Variants in ERBB4 observed in about 807,000 individuals in gnomAD.
The protein encoded by ERBB4 is receptor tyrosine-protein kinase erbB-4.
ERBB4 carries 42 observed loss-of-function variants against 158.0 expected under a neutral mutation model. The observed-to-expected ratio is 0.27, with a 90% CI of 0.21 to 0.34. ERBB4 has a LOEUF of 0.34. ERBB4 is among the 10% of genes least tolerant of loss of function. The probability of loss-of-function intolerance (pLI) is 1.00; values close to 1 mark genes in which losing one functional copy is unlikely to be tolerated. For missense variants in ERBB4, 1,333 were observed against 1,624.1 expected (o/e 0.82, Z 3.08); for synonymous variants, 583 against 558.7 (o/e 1.04, Z -0.61).
Position 211,631,454 on chromosome 2 carries a change from A to G in ERBB4, c.1947-860T>C, listed in dbSNP as rs373166855. Among the ~76,000 whole-genome samples the G allele has an allele frequency of 2.0e-5, 3 of 152,336 alleles. No homozygotes were observed. In the East Asian group the frequency reaches 5.8e-4, roughly 29 times the overall value. On this transcript the variant is annotated intron_variant, in intron 16 of 27. Coordinates refer to ENST00000342788, the MANE Select transcript of ERBB4 (RefSeq NM_005235.3). ...GTGTCTCAGCATCATACACTCATAA[A>G]AGAGGTTTGCACATGAAGCATTACA...
intron 4 of ERBB4, chr2:211,777,392 T>A (rs1027419855): frequency 5.3e-5 from 8 of 152,308 alleles, no homozygotes; most frequent in African/African-American, 1.9e-4. Flanking sequence ...GGTTGAATAA[T>A]AGCAGTACTA....
chr2:212,159,346 A>G (rs1282238330), intron 1 of ERBB4, among the ~76,000 whole-genome samples: 1 of 151,692 alleles, frequency 6.6e-6, no homozygotes, highest in East Asian at 1.9e-4. Flanking sequence ...TTATCTTTCA[A>G]GTATTTCCTT....
intron 1 of ERBB4, among the ~76,000 whole-genome samples, chr2:212,501,120 A>G (rs1690865406): frequency 6.6e-6 from 1 of 152,202 alleles, no homozygotes; most frequent in Non-Finnish European, 1.5e-5. Context: ...AAATAACACC[A>G]GTAGCAGAGT....
At chr2:212,519,166 C>T (rs905153058) in intron 1 of ERBB4, among the ~76,000 whole-genome samples, 4 of 151,946 alleles carry the variant, frequency 2.6e-5, no homozygotes, top group Non-Finnish European at 5.9e-5. Context: ...GGCTTACTAG[C>T]CTTCTCAGAA....
intron 19 of ERBB4, among the ~76,000 whole-genome samples, chr2:211,603,357 T>G (rs1475254633): frequency 3.3e-5 from 5 of 152,054 alleles, no homozygotes; most frequent in Non-Finnish European, 7.4e-5. Context: ...GTCATACACT[T>G]CGGAAGAATT....
At chr2:212,397,389 G>A (rs536445688) in intron 1 of ERBB4, among the ~76,000 whole-genome samples, 4 of 151,952 alleles carry the variant, frequency 2.6e-5, no homozygotes, top group South Asian at 4.2e-4. Flanking sequence ...GAGAGTATCA[G>A]TTGAGCCTTA....
intron 1 of ERBB4, among the ~76,000 whole-genome samples, chr2:212,261,080 T>C (rs1194309758): frequency 6.6e-6 from 1 of 152,112 alleles, no homozygotes; most frequent in Non-Finnish European, 1.5e-5. Context: ...CATCTCCTCT[T>C]TGAAGCAGCT....
chr2:211,878,130 CA>C (rs1278450627), intron 3 of ERBB4, among the ~76,000 whole-genome samples: 3 of 151,948 alleles, frequency 2.0e-5, no homozygotes, highest in Admixed American at 6.6e-5. Context: ...CAAACAACAA[CA>C]AAAAACAATG....
chr2:211,410,549 G>C (rs972481973), intron 25 of ERBB4, among the ~76,000 whole-genome samples: 1 of 152,170 alleles, frequency 6.6e-6, no homozygotes, highest in Non-Finnish European at 1.5e-5. Flanking sequence ...GGAAAAAGCA[G>C]ATTCCCTGAA....
intron 16 of ERBB4, among the ~76,000 whole-genome samples, chr2:211,637,456 T>C (rs1462688139): frequency 2.0e-5 from 3 of 152,152 alleles, no homozygotes; most frequent in East Asian, 3.9e-4. Flanking sequence ...ACAGGTTTTA[T>C]AGCACACAGG....
intron 2 of ERBB4, among the ~76,000 whole-genome samples, chr2:212,119,709 T>C (rs750237522): frequency 1.1e-4 from 16 of 152,114 alleles, no homozygotes; most frequent in Non-Finnish European, 2.4e-4. Context: ...ACTGGATTTC[T>C]CTTCCCAAAA....
At chr2:211,783,523 T>C (rs1467026567) in intron 4 of ERBB4, among the ~76,000 whole-genome samples, 3 of 152,220 alleles carry the variant, frequency 2.0e-5, no homozygotes, top group Non-Finnish European at 4.4e-5. Context: ...ATAGCTCTTA[T>C]TATTTTGAGA....
chr2:211,568,476 T>C (rs1050947912), intron 19 of ERBB4, among the ~76,000 whole-genome samples: 1 of 152,214 alleles, frequency 6.6e-6, no homozygotes, highest in African/African-American at 2.4e-5. Flanking sequence ...CTTTCCACTT[T>C]AGTTTTTCAT....
chr2:212,071,105 G>T (rs751418454), intron 2 of ERBB4, among the ~76,000 whole-genome samples: 4 of 151,746 alleles, frequency 2.6e-5, no homozygotes, highest in Admixed American at 6.6e-5. Flanking sequence ...ATTGAAGAGG[G>T]GGGTGTTACA....
chr2:212,297,503 T>C (rs2086456724), intron 1 of ERBB4, among the ~76,000 whole-genome samples: 1 of 151,922 alleles, frequency 6.6e-6, no homozygotes, highest in Non-Finnish European at 1.5e-5. Flanking sequence ...GTTATAACAC[T>C]AAAAGACACA....
At chr2:212,399,580 A>G (rs1208479972) in intron 1 of ERBB4, among the ~76,000 whole-genome samples, 2 of 101,610 alleles carry the variant, frequency 2.0e-5, no homozygotes, top group East Asian at 4.8e-4. Context: ...ATATATATAT[A>G]TATATTGGGC....
At chr2:211,877,292 G>A (rs1466673749) in intron 3 of ERBB4, among the ~76,000 whole-genome samples, 2 of 152,194 alleles carry the variant, frequency 1.3e-5, no homozygotes, top group Non-Finnish European at 2.9e-5. Flanking sequence ...AGACAGAACT[G>A]TGGGGTCATA....
intron 25 of ERBB4, among the ~76,000 whole-genome samples, chr2:211,405,022 T>G (rs1020223542): frequency 6.6e-6 from 1 of 152,154 alleles, no homozygotes; most frequent in Non-Finnish European, 1.5e-5. Flanking sequence ...AGCTAACAGT[T>G]AATGAGTTGT....
chr2:212,265,711 T>C (rs1426927614), intron 1 of ERBB4, among the ~76,000 whole-genome samples: 1 of 152,066 alleles, frequency 6.6e-6, no homozygotes, highest in African/African-American at 2.4e-5. Context: ...TTGCAAAATA[T>C]ACTCCATGAT....
Sources: gnomAD v4.1 joint callset for allele counts (sites outside exome capture counted in the v4.1 genomes callset) on GRCh38, gnomAD v4.1.1 for gene constraint, MANE v1.5 for transcripts, NCBI Gene and HGNC (gene_info 2026-07-23, HGNC 2026-07-21) for gene names.